Variants in PARD3B observed in about 807,000 individuals in gnomAD.
PARD3B encodes par-3 family cell polarity regulator beta.
A neutral mutation model predicts 130.2 loss-of-function variants in PARD3B; 103 were observed. That is an observed-to-expected ratio of 0.79 (90% CI 0.67 to 0.93). The LOEUF is 0.93. PARD3B is among the 40% of genes least tolerant of loss of function. The probability of loss-of-function intolerance (pLI) is 0.00; values close to 1 mark genes in which losing one functional copy is unlikely to be tolerated. For synonymous variants in PARD3B, 583 were observed against 553.2 expected (o/e 1.05, Z -0.76); for missense variants, 1,609 against 1,499.2 (o/e 1.07, Z -1.21).
At chr2:205,203,621 G>A (rs1286372883) in intron 15 of PARD3B, among the ~76,000 whole-genome samples, 2 of 151,992 alleles carry the variant, frequency 1.3e-5, no homozygotes, top group African/African-American at 4.8e-5. Flanking sequence ...CCCCCCAACA[G>A]GCCCTGGTGT....
At chr2:205,208,689 A>T (rs2037456235) in intron 15 of PARD3B, among the ~76,000 whole-genome samples, 1 of 145,136 alleles carries the variant, frequency 6.9e-6, no homozygotes, top group South Asian at 2.2e-4. Context: ...TTCAAGGAGA[A>T]CTACAAACCA....
intron 22 of PARD3B, among the ~76,000 whole-genome samples, chr2:205,586,016 T>C (rs2054184185): frequency 6.6e-6 from 1 of 152,182 alleles, no homozygotes; most frequent in African/African-American, 2.4e-5. Flanking sequence ...GACTTGGTTT[T>C]TCCAGGGCAG....
At chr2:204,861,162 TTCTCTCTCTCTC>T (rs60740602) in intron 2 of PARD3B, among the ~76,000 whole-genome samples, 4,685 of 91,300 alleles carry the variant, frequency 0.051, 166 homozygotes, top group African/African-American at 0.098. Flanking sequence ...CCTAATACCT[TTCTCTCTCTCTC>T]TCTCTCTCTC....
At chr2:204,831,379 A>G (rs1294113586) in intron 2 of PARD3B, among the ~76,000 whole-genome samples, 1 of 152,254 alleles carries the variant, frequency 6.6e-6, no homozygotes, top group African/African-American at 2.4e-5. Context: ...TCACGCTTAT[A>G]TAAAAACTTG....
At chr2:204,930,434 T>C (rs1441883260) in intron 2 of PARD3B, among the ~76,000 whole-genome samples, 1 of 152,086 alleles carries the variant, frequency 6.6e-6, no homozygotes, top group Non-Finnish European at 1.5e-5. Context: ...TACTCTATTG[T>C]TTAAAATTTT....
At chr2:205,139,977 T>G (rs553035983) in intron 10 of PARD3B, among the ~76,000 whole-genome samples, 1 of 152,216 alleles carries the variant, frequency 6.6e-6, no homozygotes, top group African/African-American at 2.4e-5. Flanking sequence ...ACTGATCGCA[T>G]GTGAATGTCT....
intron 1 of PARD3B, among the ~76,000 whole-genome samples, chr2:204,684,189 A>G (rs918381850): frequency 6.6e-6 from 1 of 152,180 alleles, no homozygotes; most frequent in African/African-American, 2.4e-5. Context: ...ATTTACCTCC[A>G]TCGTAGGTGA....
At chr2:204,738,529 T>C (rs2039856745) in intron 2 of PARD3B, among the ~76,000 whole-genome samples, 1 of 152,172 alleles carries the variant, frequency 6.6e-6, no homozygotes, top group African/African-American at 2.4e-5. Flanking sequence ...GTCTAGTTTA[T>C]TAGGTAGGAG....
At chr2:204,944,067 A>G (rs1689124310) in intron 2 of PARD3B, among the ~76,000 whole-genome samples, 2 of 152,256 alleles carry the variant, frequency 1.3e-5, no homozygotes, top group Non-Finnish European at 2.9e-5. Context: ...ACAAGAGAAG[A>G]TAATCTGAAC....
chr2:205,514,870 T>TG lies in PARD3B; in HGVS notation c.3180+14840dup, dbSNP rs756712955. The stretch of plus-strand genomic sequence containing the variant: ...TTTTACTTTAAGGTTTGAGGGTACA[T>TG]GCGAAGGTTTGTTACATAGGTAAAC... On this transcript the variant is annotated intron_variant, in intron 21 of 22. Coordinates refer to ENST00000406610, the MANE Select transcript of PARD3B (RefSeq NM_001302769.2). Among the ~76,000 whole-genome samples, 6 of 148,612 alleles carry TG rather than the reference T, an allele frequency of 4.0e-5. No homozygotes were observed. In the East Asian group the frequency reaches 7.9e-4, roughly 20 times the overall value.
chr2:205,560,133 G>A (rs1033335601), intron 22 of PARD3B, among the ~76,000 whole-genome samples: 4 of 152,190 alleles, frequency 2.6e-5, no homozygotes, highest in Non-Finnish European at 4.4e-5. Flanking sequence ...CAGTCTGGCT[G>A]CGAGTTTGTT....
intron 2 of PARD3B, among the ~76,000 whole-genome samples, chr2:204,894,264 T>G (rs1265492688): frequency 6.6e-6 from 1 of 152,140 alleles, no homozygotes; most frequent in Non-Finnish European, 1.5e-5. Context: ...GTTGAAATTG[T>G]AGTAATGGAA....
intron 3 of PARD3B, among the ~76,000 whole-genome samples, chr2:205,035,823 ATATATC>A (rs1236187137): frequency 0.17 from 7,887 of 47,678 alleles, 919 homozygotes; most frequent in East Asian, 0.26. Flanking sequence ...ATATATATCT[ATATATC>A]TATATATATA....
rs1180482863 is a variant in PARD3B at position 205,288,187 on chromosome 2, G to A, written c.2186-12343G>A. Among the ~76,000 whole-genome samples the A allele has an allele frequency of 6.6e-6, 1 of 151,456 alleles. No individual in the cohort carries two copies. The highest frequency in any genetic ancestry group is 1.5e-5 in the Non-Finnish European group (1 of 67,496). Reference sequence around the variant, plus strand: ...GGAGGAAGCCTAGGGGTAGCAGGCAGTGCCCCCTGTCCCGTCCACCCAGAC... The same window carrying A: ...GGAGGAAGCCTAGGGGTAGCAGGCAATGCCCCCTGTCCCGTCCACCCAGAC... On this transcript the variant is annotated intron_variant, in intron 16 of 22. Transcript: ENST00000406610. This position sits in a 1 kb window ranked among gnomAD's most constrained non-coding sequence, Gnocchi z 4.0.
chr2:204,995,678 T>C (rs1433487527), intron 3 of PARD3B, among the ~76,000 whole-genome samples: 1 of 101,120 alleles, frequency 9.9e-6, no homozygotes, highest in Non-Finnish European at 1.9e-5. Flanking sequence ...CAGAGTGTTT[T>C]CCAACTTGGT....
intron 3 of PARD3B, among the ~76,000 whole-genome samples, chr2:205,028,347 A>G (rs1697179537): frequency 6.6e-6 from 1 of 152,174 alleles, no homozygotes; most frequent in African/African-American, 2.4e-5. Context: ...GAAAAATTCA[A>G]TATTCTTTCA....
At position 205,466,573 on chromosome 2, in the gene PARD3B, A is replaced by G. The variant is rs963740428; in HGVS notation, c.3044+25901A>G. ...CTGCCAAGAAAAGTTTTATTAATAC[A>G]ACTAAGTAATCCATTTTTCCCAGTG... On this transcript the variant is annotated intron_variant, in intron 20 of 22. Transcript: ENST00000406610. 5.3e-5 allele frequency among the ~76,000 whole-genome samples: 8 copies of G among 152,328 alleles called. 1 individual carries two copies. The highest frequency in any genetic ancestry group is 6.5e-5 in the Admixed American group (1 of 15,300).
At chr2:204,752,600 T>G (rs2040507604) in intron 2 of PARD3B, among the ~76,000 whole-genome samples, 2 of 152,334 alleles carry the variant, frequency 1.3e-5, no homozygotes, top group East Asian at 1.9e-4. Context: ...ATTCCAATGG[T>G]GTAACTTGTT....
chr2:204,786,937 G>A (rs777623060), intron 2 of PARD3B, among the ~76,000 whole-genome samples: 133 of 151,962 alleles, frequency 8.8e-4, no homozygotes, highest in Middle Eastern at 3.4e-3. Flanking sequence ...TGGAATAATC[G>A]TGACTTAAAG....
Sources: allele counts gnomAD v4.1 joint callset (sites outside exome capture counted in the v4.1 genomes callset), GRCh38; gene constraint gnomAD v4.1.1; non-coding constraint Gnocchi (gnomAD v3.1); transcripts MANE v1.5; gene names NCBI Gene and HGNC (gene_info 2026-07-23, HGNC 2026-07-21).